Variants in SLIT3 observed in about 807,000 individuals in gnomAD.
The protein encoded by SLIT3 is slit guidance ligand 3.
SLIT3 carries 68 observed loss-of-function variants against 184.0 expected under a neutral mutation model. The ratio of observed to expected loss-of-function variants is 0.37; its 90% CI spans 0.30 to 0.45. The LOEUF (loss-of-function observed/expected upper bound fraction) is 0.45. Ranked by LOEUF, SLIT3 falls within the 20% of genes least tolerant of loss-of-function variation. The pLI, the probability that SLIT3 is intolerant of heterozygous loss-of-function variation, is 1.00. For missense variants in SLIT3, 1,707 were observed against 2,026.0 expected (o/e 0.84, Z 3.02); for synonymous variants, 831 against 828.6 (o/e 1.00, Z -0.05).
intron 4 of SLIT3, among the ~76,000 whole-genome samples, chr5:168,954,042 G>A (rs1323558352): frequency 6.6e-6 from 1 of 152,112 alleles, no homozygotes; most frequent in African/African-American, 2.4e-5. Flanking sequence ...TTTCTGCTGG[G>A]GGGAAACAAG....
chr5:169,207,005 T>C (rs761781734), intron 3 of SLIT3, among the ~76,000 whole-genome samples: 12 of 151,792 alleles, frequency 7.9e-5, no homozygotes, highest in Non-Finnish European at 1.2e-4. Context: ...ACTTTTCAGA[T>C]TGCATTGTCA....
intron 4 of SLIT3, among the ~76,000 whole-genome samples, chr5:169,165,352 G>A (rs947569189): frequency 3.3e-5 from 5 of 152,172 alleles, no homozygotes; most frequent in Non-Finnish European, 5.9e-5. Context: ...ATCAGAAGAG[G>A]CTTCTGTATC....
intron 6 of SLIT3, among the ~76,000 whole-genome samples, chr5:168,843,541 C>T (rs1383734541): frequency 6.6e-6 from 1 of 152,130 alleles, no homozygotes; most frequent in Non-Finnish European, 1.5e-5. Flanking sequence ...AAGGGGAAGT[C>T]ACTCCCAAGA....
chr5:169,074,925 T>G (rs1561645871), intron 4 of SLIT3, among the ~76,000 whole-genome samples: 1 of 152,050 alleles, frequency 6.6e-6, no homozygotes, highest in Non-Finnish European at 1.5e-5. Context: ...AGACAGAAGG[T>G]GCACTCTGGA....
At chr5:168,797,689 A>C (rs1465092846) in intron 9 of SLIT3, among the ~76,000 whole-genome samples, 3 of 152,326 alleles carry the variant, frequency 2.0e-5, no homozygotes, top group South Asian at 4.1e-4. Flanking sequence ...CATAATAAAC[A>C]TCAAGAGCCA....
chr5:169,248,011 G>A (rs1765655321), intron 2 of SLIT3, among the ~76,000 whole-genome samples: 3 of 152,122 alleles, frequency 2.0e-5, no homozygotes, highest in Admixed American at 6.6e-5. Flanking sequence ...GAGGGTGGAG[G>A]AAGAGTGTGG....
intron 6 of SLIT3, among the ~76,000 whole-genome samples, chr5:168,831,810 G>T (rs921807722): frequency 1.4e-4 from 21 of 152,154 alleles, no homozygotes; most frequent in African/African-American, 5.1e-4. Context: ...TAACAAAAGG[G>T]CTTGTCTTTG....
chr5:168,880,509 C>T (rs1193269888), intron 5 of SLIT3, among the ~76,000 whole-genome samples: 1 of 152,202 alleles, frequency 6.6e-6, no homozygotes, highest in Non-Finnish European at 1.5e-5. Context: ...CCATTCAGGC[C>T]CAGCTACAGT....
chr5:169,208,789 T>A (rs1009502558), intron 3 of SLIT3, among the ~76,000 whole-genome samples: 3 of 152,120 alleles, frequency 2.0e-5, no homozygotes, highest in Non-Finnish European at 4.4e-5. Flanking sequence ...TTAAGATGGA[T>A]TAAAGACTTA....
intron 6 of SLIT3, among the ~76,000 whole-genome samples, chr5:168,843,674 C>G (rs981706719): frequency 6.6e-6 from 1 of 152,252 alleles, no homozygotes; most frequent in Non-Finnish European, 1.5e-5. Flanking sequence ...CGTCTCCTGA[C>G]AGAAGTGGCA....
At chr5:169,033,638 G>A (rs1757122252) in intron 4 of SLIT3, among the ~76,000 whole-genome samples, 1 of 151,908 alleles carries the variant, frequency 6.6e-6, no homozygotes, top group Non-Finnish European at 1.5e-5. Flanking sequence ...CATCCAAATG[G>A]GTGTAAGGTG....
intron 12 of SLIT3, among the ~76,000 whole-genome samples, chr5:168,779,978 A>G (rs1010575233): frequency 6.6e-6 from 1 of 152,234 alleles, no homozygotes; most frequent in Non-Finnish European, 1.5e-5. Context: ...CTTTGCTCTG[A>G]TCCGCTCTTC....
chr5:168,762,718 C>A, intron 14 of SLIT3, 29 bp from the exon 15 acceptor site: 1 of 1,606,928 alleles, frequency 6.2e-7, no homozygotes, highest in Non-Finnish European at 8.5e-7. Flanking sequence ...GGGACGTCAG[C>A]GTCACCCGAG....
intron 12 of SLIT3, among the ~76,000 whole-genome samples, chr5:168,776,248 G>A (rs747550615): frequency 5.3e-5 from 8 of 152,130 alleles, no homozygotes; most frequent in Non-Finnish European, 8.8e-5. Context: ...TACTCCCCAC[G>A]GTCCCGGTGC....
intron 6 of SLIT3, among the ~76,000 whole-genome samples, chr5:168,827,796 G>T (rs2113679309): frequency 6.6e-6 from 1 of 152,274 alleles, no homozygotes; most frequent in African/African-American, 2.4e-5. Context: ...CAGCTCCAGG[G>T]GTTGGCAAAC....
intron 3 of SLIT3, among the ~76,000 whole-genome samples, chr5:169,206,136 G>T (rs1347350535): frequency 3.3e-5 from 5 of 152,210 alleles, no homozygotes; most frequent in Non-Finnish European, 5.9e-5. Flanking sequence ...GGCTATGTTG[G>T]GGGCAGGGAA....
chr5:168,673,142 A>G lies in SLIT3; in HGVS notation c.3841+35T>C, dbSNP rs114688739. 8.0e-4 allele frequency: 1,278 copies of G among 1,607,094 alleles called. 8 individuals carry two copies. In the African/African-American group the frequency reaches 0.015, roughly 19 times the overall value. ...TCTGTACTGGAGCACAGAGGGCCAG[A>G]GGGAGGTAGAGGTGGTAGGGAAAGA... On this transcript the variant is annotated intron_variant, in intron 33 of 35. Coordinates refer to ENST00000519560, the MANE Select transcript of SLIT3 (RefSeq NM_003062.4).
intron 4 of SLIT3, among the ~76,000 whole-genome samples, chr5:168,914,417 T>C (rs1761368182): frequency 6.6e-6 from 1 of 152,210 alleles, no homozygotes; most frequent in African/African-American, 2.4e-5. Context: ...GAGAGCCACA[T>C]TGGCAATAGC....
intron 4 of SLIT3, among the ~76,000 whole-genome samples, chr5:169,011,083 G>A (rs1756124189): frequency 6.6e-6 from 1 of 152,116 alleles, no homozygotes; most frequent in South Asian, 2.1e-4. Flanking sequence ...AAGACTCTAA[G>A]TCTATAAGGG....
Sources: allele counts gnomAD v4.1 joint callset (sites outside exome capture counted in the v4.1 genomes callset), GRCh38; gene constraint gnomAD v4.1.1; transcripts MANE v1.5; gene names NCBI Gene and HGNC (gene_info 2026-07-23, HGNC 2026-07-21).